GPR179: variants seen among roughly 807,000 people sequenced by gnomAD.
The protein encoded by GPR179 is G protein-coupled receptor 179, also known as probable G protein-coupled receptor 179.
In GPR179, 52 loss-of-function variants were observed where a neutral mutation model predicts 70.8. The ratio of observed to expected loss-of-function variants is 0.73; its 90% confidence interval spans 0.59 to 0.93. The LOEUF is 0.93. GPR179 is among the 40% of genes least tolerant of loss of function. The pLI, the probability that GPR179 is intolerant of heterozygous loss-of-function variation, is 0.00. For synonymous variants in GPR179, 1,123 were observed against 1,169.0 expected (o/e 0.96, Z 0.80); for missense variants, 2,734 against 2,966.8 (o/e 0.92, Z 1.82).
At position 38,333,292 on chromosome 17, in the gene GPR179, A is replaced by G. The variant is rs1212778553; in HGVS notation, c.1996T>C (p.Ser666Pro). Residue 666 changes from serine to proline, a missense_variant, in exon 10 of 11, where the codon TCA (serine) becomes CCA (proline). Coordinates refer to ENST00000616987, the MANE Select transcript of GPR179 (RefSeq NM_001004334.4). ...TCCAGGCTGTGCTCACTCCAGGCTG[A>G]GGCGATGCTGCTGCCAAGGTAGGAG... ...SGSYLGSSIA[S>P]AWSEHSLDPG... 2 of 1,614,064 alleles carry G rather than the reference A, an allele frequency of 1.2e-6. No individual in the cohort carries two copies. Among genetic ancestry groups the G allele is most frequent in the Non-Finnish European group, 1.7e-6 (2 of 1,179,968 alleles).
chr17:38,325,178 C>A lies in GPR179; in HGVS notation c.*1287G>T, dbSNP rs2037274330. Reference sequence around the variant, plus strand: ...CTTCTTCCTTTCCCTCTGGTATTATCATCTAATCCCAGCAATTTGTAATCT... The same window carrying A: ...CTTCTTCCTTTCCCTCTGGTATTATAATCTAATCCCAGCAATTTGTAATCT... On this transcript the variant is annotated 3_prime_UTR_variant, in exon 11 of 11. Coordinates refer to ENST00000616987, the MANE Select transcript of GPR179 (RefSeq NM_001004334.4). 2.6e-5 allele frequency among the ~76,000 whole-genome samples: 4 copies of A among 152,134 alleles called. No individual in the cohort carries two copies. In the South Asian group the frequency reaches 8.3e-4, roughly 31 times the overall value.
chr17:38,335,340 C>T, intron 6 of GPR179, 69 bp from the exon 7 acceptor site: 1 of 1,223,994 alleles, frequency 8.2e-7, no homozygotes, highest in Non-Finnish European at 1.2e-6. Context: ...GTGCCAGCGC[C>T]CTGGTCTCTG....
At chr17:38,341,647 A>G (rs1286481347) in intron 1 of GPR179, among the ~76,000 whole-genome samples, 1 of 152,130 alleles carries the variant, frequency 6.6e-6, no homozygotes, top group Non-Finnish European at 1.5e-5. Flanking sequence ...TCCCTTCCCA[A>G]TAGGACCCTC....
rs1250307275 is a variant in GPR179 at position 38,327,846 on chromosome 17, A to G, written c.5723T>C (p.Leu1908Ser). Residue 1908 changes from leucine (L) to serine (S), a missense_variant, in exon 11 of 11, where the codon TTG becomes TCG. Physicochemically the swap from Leu to Ser is moderately radical, Grantham distance 145. Transcript: ENST00000616987. ...MSSEVAEGHS[L>S]EATEKGDLRQ... ...CAGGTCCCCCTTCTCTGTTGCTTCCAAGGAATGTCCCTCTGCCACTTCACT... is the reference window on the plus strand; with the variant it reads ...CAGGTCCCCCTTCTCTGTTGCTTCCGAGGAATGTCCCTCTGCCACTTCACT... 1.2e-6 allele frequency: 2 copies of G among 1,614,060 alleles called. No individual in the cohort carries two copies. The highest frequency in any genetic ancestry group is 2.7e-5 in the African/African-American group (2 of 74,910).
Position 38,328,668 on chromosome 17 carries a change from G to T in GPR179, c.4901C>A (p.Ala1634Asp), listed in dbSNP as rs1005015643. The T allele has an allele frequency of 6.2e-7, 1 of 1,614,134 alleles. No homozygotes were observed. Among genetic ancestry groups the T allele is most frequent in the African/African-American group, 1.3e-5 (1 of 75,018 alleles). Residue 1634 changes from alanine to aspartate, a missense_variant, in exon 11 of 11, where the codon GCT becomes GAT. Ala to Asp is a moderately radical substitution (Grantham distance 126). Coordinates refer to ENST00000616987, the MANE Select transcript of GPR179 (RefSeq NM_001004334.4). ...PGKSEIEDVT[A>D]WEKPEGQIQK... ...GATCTGCCCCTCAGGCTTTTCCCAA[G>T]CTGTGACATCTTCGATTTCCGATTT...
chr17:38,329,233 G>A lies in GPR179; in HGVS notation c.4336C>T (p.Pro1446Ser), dbSNP rs1290633831. The A allele has an allele frequency of 3.1e-6, 5 of 1,613,810 alleles. No individual in the cohort carries two copies. Among genetic ancestry groups the A allele is most frequent in the Non-Finnish European group, 4.2e-6 (5 of 1,179,866 alleles). ...RGPSAVSIQA[P>S]GSSECSGSLG... ...CTCCCTGAACACTCTGAGCTTCCTG[G>A]GGCCTGAATTGAGACTGCTGAGGGG... The change falls in exon 11 of 11, where the codon CCA (proline) becomes TCA (serine). Residue 1446 changes from proline (P) to serine (S), a missense_variant. By Grantham distance (74) the Pro-to-Ser change is moderately conservative. Coordinates refer to ENST00000616987, the MANE Select transcript of GPR179 (RefSeq NM_001004334.4).
rs1001096567 is a variant in GPR179 at position 38,330,445 on chromosome 17, C to A, written c.3124G>T (p.Ala1042Ser). The change falls in exon 11 of 11, where the codon GCT becomes TCT. Residue 1042 changes from alanine (A) to serine (S), a missense_variant. Physicochemically the swap from Ala to Ser is moderately conservative, Grantham distance 99. Coordinates refer to ENST00000616987, the MANE Select transcript of GPR179 (RefSeq NM_001004334.4). ...ALSVAVEKSR[A>S]GENEMDAEDA... ...TCTGCGTCCATCTCATTCTCCCCAG[C>A]CCTGCTTTTCTCTACTGCAACAGAG... 1.3e-6 allele frequency: 2 copies of A among 1,577,250 alleles called. No homozygotes were observed. The highest frequency in any genetic ancestry group is 1.7e-6 in the Non-Finnish European group (2 of 1,158,882).
chr17:38,331,074 G>T lies in GPR179; in HGVS notation c.2495C>A (p.Ala832Asp). Reference protein sequence around the residue: ...NLTVGERLPRARPASLQKSLS... With the variant: ...NLTVGERLPRDRPASLQKSLS... Reference sequence around the variant, plus strand: ...CGACTTCTGCAGAGAGGCGGGCCGGGCTCTGGGTAGCCTCTCTCCCACCGT... The same window carrying T: ...CGACTTCTGCAGAGAGGCGGGCCGGTCTCTGGGTAGCCTCTCTCCCACCGT... The change falls in exon 11 of 11, where the codon GCC becomes GAC. Residue 832 changes from alanine to aspartate, a missense_variant. Physicochemically the swap from Ala to Asp is moderately radical, Grantham distance 126. Transcript: ENST00000616987. The T allele has an allele frequency of 6.3e-7, 1 of 1,599,488 alleles. No homozygotes were observed. The highest frequency in any genetic ancestry group is 8.5e-7 in the Non-Finnish European group (1 of 1,178,788).
At position 38,334,019 on chromosome 17, in the gene GPR179, G is replaced by A. The variant is rs996402897; in HGVS notation, c.1804C>T (p.Leu602=). ...HTARFVLVPS[L]HPDWTLLLFF... ...AGGAGGAGGGTCCAGTCCGGGTGCAGAGAGGGAACCAGCACAAACCTGGGG... is the reference window on the plus strand; with the variant it reads ...AGGAGGAGGGTCCAGTCCGGGTGCAAAGAGGGAACCAGCACAAACCTGGGG... The change falls in exon 9 of 11, where the codon CTG becomes TTG. Residue 602 remains leucine, a synonymous_variant. Transcript: ENST00000616987. This position sits in a 1 kb window ranked among gnomAD's most constrained non-coding sequence, Gnocchi z 4.7. The A allele has an allele frequency of 2.5e-6, 4 of 1,613,820 alleles. No individual in the cohort carries two copies. The African/African-American group carries it at 5.3e-5, about 22-fold the overall frequency.
Position 38,337,659 on chromosome 17 carries a change from C to CTACA in GPR179, c.964_965insTGTA (p.Gly322ValfsTer2). On this transcript the variant is annotated stop_gained and frameshift_variant, in exon 3 of 11. Transcript: ENST00000616987. LOFTEE classifies it high-confidence loss of function. ...CCCAGAGGGGCTTGCCCCGTAGAAT[C>CTACA]CAGGTCGGCAGCGGCAGAGGTAGCG... 2 of 1,609,166 alleles carry CTACA rather than the reference C, an allele frequency of 1.2e-6. No individual in the cohort carries two copies. Among genetic ancestry groups the CTACA allele is most frequent in the East Asian group, 2.3e-5 (1 of 44,302 alleles).
At chr17:38,333,133 A>G (rs2037373562) in intron 10 of GPR179, 118 bp downstream of exon 10, 2 of 835,026 alleles carry the variant, frequency 2.4e-6, no homozygotes, top group Admixed American at 4.7e-5. Context: ...GGGAGAGGGC[A>G]GGTCTTGGAG....
At position 38,336,164 on chromosome 17, in the gene GPR179, G is replaced by T. The variant is rs763014283; in HGVS notation, c.1228-20C>A. 3 of 1,563,112 alleles carry T rather than the reference G, an allele frequency of 1.9e-6. No homozygotes were observed. Among genetic ancestry groups the T allele is most frequent in the Non-Finnish European group, 2.6e-6 (3 of 1,133,416 alleles). On this transcript the variant is annotated intron_variant, in intron 4 of 10. Transcript: ENST00000616987. The stretch of plus-strand genomic sequence containing the variant: ...GATCCTCTGTGAAGCAAGGAGAGAG[G>T]CATGTGAGCAGAGTCTGGACGATGG...
chr17:38,339,261 G>A, intron 2 of GPR179, 156 bp downstream of exon 2: 1 of 575,798 alleles, frequency 1.7e-6, no homozygotes, highest in Non-Finnish European at 3.1e-6. Flanking sequence ...TTAAAAGCCT[G>A]GTATCTCACC....
At position 38,327,587 on chromosome 17, in the gene GPR179, G is replaced by A. The variant is rs185715311; in HGVS notation, c.5982C>T (p.Ala1994=). The stretch of plus-strand genomic sequence containing the variant: ...GAACATCCCATGGGCACACGTCAGC[G>A]GCCCTGCCCCCAGTGCTGACCAGTC... ...SQRLVSTGGR[A]ADVCPWDVPD... Residue 1994 remains alanine (A), a synonymous_variant, in exon 11 of 11, where the codon GCC becomes GCT. Transcript: ENST00000616987. 1,997 of 1,614,034 alleles carry A rather than the reference G, an allele frequency of 1.2e-3. 2 individuals carry two copies. The highest frequency in any genetic ancestry group is 1.5e-3 in the Non-Finnish European group (1,786 of 1,180,004).
chr17:38,330,043 G>C lies in GPR179; in HGVS notation c.3526C>G (p.Gln1176Glu). The change falls in exon 11 of 11, where the codon CAA (glutamine) becomes GAA (glutamate). Residue 1176 changes from glutamine (Q) to glutamate (E), a missense_variant. Transcript: ENST00000616987. ...QVCQREGSRE[Q>E]EDRGRRMTQG... ...GTCATCCTCCTGCCTCTGTCTTCTT[G>C]TTCCCTGCTGCCCTCCCGTTGACAG... 6.2e-7 allele frequency: 1 copy of C among 1,614,226 alleles called. No homozygotes were observed. Among genetic ancestry groups the C allele is most frequent in the Non-Finnish European group, 8.5e-7 (1 of 1,180,036 alleles).
Position 38,331,377 on chromosome 17 carries a change from G to T in GPR179, c.2192C>A (p.Ala731Asp). 6.2e-7 allele frequency: 1 copy of T among 1,613,682 alleles called. No homozygotes were observed. The highest frequency in any genetic ancestry group is 8.5e-7 in the Non-Finnish European group (1 of 1,179,846). ...RYLAEFPEAL[A>D]RQHSRDSGSP... ...TCCTGAGTCCCGGGAGTGCTGCCTG[G>T]CCAGGGCCTCGGGGAATTCCGCCAG... Residue 731 changes from alanine (A) to aspartate (D), a missense_variant, in exon 11 of 11, where the codon GCC becomes GAC. By Grantham distance (126) the Ala-to-Asp change is moderately radical. Coordinates refer to ENST00000616987, the MANE Select transcript of GPR179 (RefSeq NM_001004334.4).
chr17:38,342,586 G>A (rs2037458382), intron 1 of GPR179, among the ~76,000 whole-genome samples: 2 of 152,090 alleles, frequency 1.3e-5, no homozygotes, highest in African/African-American at 2.4e-5. Flanking sequence ...TGATCCACCC[G>A]CCTCAGCCTC....
Position 38,327,524 on chromosome 17 carries a change from C to G in GPR179, c.6045G>C (p.Lys2015Asn). 6.2e-7 allele frequency: 1 copy of G among 1,614,008 alleles called. No homozygotes were observed. The highest frequency in any genetic ancestry group is 8.5e-7 in the Non-Finnish European group (1 of 1,179,992). Reference protein sequence around the residue: ...AGVYKSDSSAKAETCPWEVTE... With the variant: ...AGVYKSDSSANAETCPWEVTE... ...TCACTTCCCAGGGACAGGTCTCAGCCTTGGCACTGCTGTCAGATTTATACA... is the reference window on the plus strand; with the variant it reads ...TCACTTCCCAGGGACAGGTCTCAGCGTTGGCACTGCTGTCAGATTTATACA... Residue 2015 changes from lysine (K) to asparagine (N), a missense_variant, in exon 11 of 11, where the codon AAG (lysine) becomes AAC (asparagine). Lys to Asn is a moderately conservative substitution (Grantham distance 94). Coordinates refer to ENST00000616987, the MANE Select transcript of GPR179 (RefSeq NM_001004334.4).
At chr17:38,333,446 T>C in intron 9 of GPR179, 49 bp from the exon 10 acceptor site, 1 of 1,580,148 alleles carries the variant, frequency 6.3e-7, no homozygotes, top group Non-Finnish European at 8.6e-7. Context: ...TGGCTCCTTG[T>C]CCACTCCTGC....
Sources: allele counts gnomAD v4.1 joint callset (sites outside exome capture counted in the v4.1 genomes callset), GRCh38; gene constraint gnomAD v4.1.1; non-coding constraint Gnocchi (gnomAD v3.1); transcripts MANE v1.5; gene names NCBI Gene and HGNC (gene_info 2026-07-23, HGNC 2026-07-21).